The following GMDS variants were observed in gnomAD, a reference collection of about 807,000 sequenced individuals.
The protein encoded by GMDS is GDP-mannose 4,6-dehydratase.
A neutral mutation model predicts 49.9 loss-of-function variants in GMDS; 20 were observed. The observed-to-expected ratio is 0.40, with a 90% CI of 0.28 to 0.58. The LOEUF is 0.58. Ranked by LOEUF, GMDS falls within the 20% of genes least tolerant of loss-of-function variation. The probability of loss-of-function intolerance (pLI) is 0.42; values close to 1 mark genes in which losing one functional copy is unlikely to be tolerated. For missense variants in GMDS, 362 were observed against 481.4 expected, an observed-to-expected ratio of 0.75 and a Z score of 2.32; for synonymous variants, 177 against 178.6, an observed-to-expected ratio of 0.99 and a Z score of 0.07.
At chr6:1,926,755 A>G (rs1392527449) in intron 7 of GMDS, among the ~76,000 whole-genome samples, 1 of 152,230 alleles carries the variant, frequency 6.6e-6, no homozygotes, top group Non-Finnish European at 1.5e-5. Flanking sequence ...GTACCAAGCT[A>G]TAAATTCTTA....
intron 7 of GMDS, among the ~76,000 whole-genome samples, chr6:1,817,242 A>T (rs1432783289): frequency 6.6e-6 from 1 of 151,872 alleles, no homozygotes; most frequent in Non-Finnish European, 1.5e-5. Flanking sequence ...TGAAAAACAG[A>T]CTCGTCATAA....
At chr6:1,785,079 A>C (rs1289343350) in intron 7 of GMDS, among the ~76,000 whole-genome samples, 1 of 152,216 alleles carries the variant, frequency 6.6e-6, no homozygotes, top group Non-Finnish European at 1.5e-5. Context: ...AATCAACATA[A>C]AACTGCTGGA....
intron 7 of GMDS, among the ~76,000 whole-genome samples, chr6:1,876,751 A>G (rs544383511): frequency 3.3e-5 from 5 of 152,354 alleles, no homozygotes; most frequent in African/African-American, 1.2e-4. Flanking sequence ...TGTTAGTTCA[A>G]CGAACTTTTA....
rs1235345157 is a variant in GMDS, at chr6:1,664,430, A to G, written c.988-39890T>C. On this transcript the variant is annotated intron_variant, in intron 9 of 10. Coordinates refer to ENST00000380815, the MANE Select transcript of GMDS (RefSeq NM_001500.4). Reference sequence around the variant, plus strand: ...TCTTACAACTTCATCGTTCACTCACATGGGAGACCGTGAGTATTCTCTTCA... The same window carrying G: ...TCTTACAACTTCATCGTTCACTCACGTGGGAGACCGTGAGTATTCTCTTCA... Among the ~76,000 whole-genome samples the G allele has an allele frequency of 2.0e-5, 3 of 152,340 alleles. No homozygotes were observed. The East Asian group carries it at 5.8e-4, about 29-fold the overall frequency.
chr6:1,950,509 T>C (rs1763286853), intron 6 of GMDS, among the ~76,000 whole-genome samples: 1 of 151,910 alleles, frequency 6.6e-6, no homozygotes. Flanking sequence ...ATTAGAAGAG[T>C]CCTGGGTTTG....
chr6:1,928,519 T>G (rs1302886423), intron 7 of GMDS, among the ~76,000 whole-genome samples: 1 of 152,242 alleles, frequency 6.6e-6, no homozygotes, highest in Non-Finnish European at 1.5e-5. Context: ...TCATTTAGGT[T>G]AGACAAAAGA....
intron 9 of GMDS, among the ~76,000 whole-genome samples, chr6:1,654,276 T>A (rs1265775038): frequency 6.6e-6 from 1 of 152,206 alleles, no homozygotes; most frequent in Non-Finnish European, 1.5e-5. Context: ...CCAGAAGAAC[T>A]GAAAGCTGAG....
intron 7 of GMDS, among the ~76,000 whole-genome samples, chr6:1,802,710 C>T (rs887457991): frequency 2.0e-5 from 3 of 152,190 alleles, no homozygotes; most frequent in South Asian, 2.1e-4. Context: ...GAGGAGGGGG[C>T]GCTCCGCTGA....
At chr6:2,123,931 A>G (rs1775276636) in intron 2 of GMDS, among the ~76,000 whole-genome samples, 1 of 152,186 alleles carries the variant, frequency 6.6e-6, no homozygotes, top group Admixed American at 6.5e-5. Context: ...CATTTGCCCC[A>G]ATTACACATT....
chr6:1,685,485 T>G lies in GMDS; in HGVS notation c.987+40931A>C, dbSNP rs148390938. ...GTTTGCTAAGCGACTTTAGTAAGGG[T>G]TTTTTTTTAATTAAAAAAAACTGTT... On this transcript the variant is annotated intron_variant, in intron 9 of 10. Transcript: ENST00000380815. Among the ~76,000 whole-genome samples, 623 of 151,430 alleles carry G rather than the reference T, an allele frequency of 4.1e-3. 4 individuals are homozygous for G. The highest frequency in any genetic ancestry group is 3.8e-3 in the African/African-American group (158 of 41,344).
chr6:1,896,066 C>T (rs961936626), intron 7 of GMDS, among the ~76,000 whole-genome samples: 2 of 152,066 alleles, frequency 1.3e-5, no homozygotes, highest in South Asian at 2.1e-4. Context: ...CCAATAAAGG[C>T]ACAAGCAGAT....
chr6:1,846,710 C>T (rs568294679), intron 7 of GMDS, among the ~76,000 whole-genome samples: 19 of 152,296 alleles, frequency 1.2e-4, no homozygotes, highest in African/African-American at 4.1e-4. Context: ...GGCAAAGCAA[C>T]GTACTGAGGG....
chr6:1,827,340 TATACACAC>T (rs1243520051), intron 7 of GMDS, among the ~76,000 whole-genome samples: 10 of 147,158 alleles, frequency 6.8e-5, no homozygotes, highest in East Asian at 4.0e-4. Flanking sequence ...AAAACCTGTA[TATACACAC>T]GTTTTGGAAA....
chr6:2,210,739 C>CCA (rs1780027039), intron 1 of GMDS, among the ~76,000 whole-genome samples: 1 of 152,170 alleles, frequency 6.6e-6, no homozygotes, highest in Non-Finnish European at 1.5e-5. Context: ...GGGTCTACAC[C>CCA]CACCCTCTGC....
At chr6:1,638,212 C>T (rs1430095476) in intron 9 of GMDS, among the ~76,000 whole-genome samples, 1 of 152,034 alleles carries the variant, frequency 6.6e-6, no homozygotes, top group Non-Finnish European at 1.5e-5. Flanking sequence ...AGACACCAGG[C>T]AGAAATGAGC....
chr6:1,728,951 A>AAAAAAAC (rs975790677), intron 8 of GMDS, among the ~76,000 whole-genome samples: 7 of 151,802 alleles, frequency 4.6e-5, no homozygotes, highest in African/African-American at 1.2e-4. Context: ...ACAGTAAAAA[A>AAAAAAAC]AAAAAACAAA....
intron 9 of GMDS, among the ~76,000 whole-genome samples, chr6:1,671,246 T>A (rs1427930290): frequency 6.6e-6 from 1 of 152,180 alleles, no homozygotes; most frequent in Non-Finnish European, 1.5e-5. Context: ...GGCTTATCAC[T>A]CTCAATTAGG....
intron 1 of GMDS, among the ~76,000 whole-genome samples, chr6:2,235,769 A>G (rs981303205): frequency 6.6e-6 from 1 of 151,554 alleles, no homozygotes; most frequent in Admixed American, 6.6e-5. Context: ...CTGTGTTTGC[A>G]CTGCTGCACT....
Position 1,833,841 on chromosome 6 carries a change from A to G in GMDS, c.772-91255T>C, listed in dbSNP as rs115981045. ...ATTAAACAAACAAAGTAAATTAAGA[A>G]GTTGTTGGTTAGGTTTTCTCTATTT... is the stretch of plus-strand genomic sequence containing the variant. On this transcript the variant is annotated intron_variant, in intron 7 of 10. Transcript: ENST00000380815. The surrounding 1 kb of genome is among the most constrained non-coding windows in gnomAD (Gnocchi z 4.4). Among the ~76,000 whole-genome samples the G allele has an allele frequency of 5.9e-3, 904 of 152,324 alleles. 6 individuals carry two copies. Among genetic ancestry groups the G allele is most frequent in the African/African-American group, 0.02 (823 of 41,574 alleles).
Sources: allele counts gnomAD v4.1 joint callset (sites outside exome capture counted in the v4.1 genomes callset), GRCh38; gene constraint gnomAD v4.1.1; non-coding constraint Gnocchi (gnomAD v3.1); transcripts MANE v1.5; gene names NCBI Gene and HGNC (gene_info 2026-07-23, HGNC 2026-07-21).